Variants in CNTNAP5 observed in about 807,000 individuals in gnomAD.
The protein encoded by CNTNAP5 is contactin associated protein family member 5, also known as contactin-associated protein-like 5.
In CNTNAP5, 72 loss-of-function variants were observed where a neutral mutation model predicts 150.2. That is an observed-to-expected ratio of 0.48 (90% CI 0.40 to 0.58). CNTNAP5 has a LOEUF of 0.58. Among genes scored for constraint, CNTNAP5 ranks in the 20% least tolerant of loss-of-function variants. The probability of loss-of-function intolerance (pLI) is 0.00; values close to 1 mark genes in which losing one functional copy is unlikely to be tolerated. For missense variants in CNTNAP5, 1,636 were observed against 1,626.2 expected (o/e 1.01, Z -0.10); for synonymous variants, 672 against 619.8 (o/e 1.08, Z -1.25).
chr2:124,780,275 AT>A (rs1191211807), intron 17 of CNTNAP5, among the ~76,000 whole-genome samples: 1 of 152,134 alleles, frequency 6.6e-6, no homozygotes, highest in Non-Finnish European at 1.5e-5. Flanking sequence ...ATGGGAAATG[AT>A]TTGTGCCTTC....
intron 10 of CNTNAP5, among the ~76,000 whole-genome samples, chr2:124,539,701 A>G (rs1695333221): frequency 6.6e-6 from 1 of 152,230 alleles, no homozygotes. Flanking sequence ...CTTAAAGTTA[A>G]AAGCGAGAGA....
chr2:124,035,477 T>A (rs931704084), intron 1 of CNTNAP5, among the ~76,000 whole-genome samples: 5 of 152,148 alleles, frequency 3.3e-5, no homozygotes, highest in African/African-American at 1.2e-4. Context: ...TAACTTTTAC[T>A]AAATGTCTTG....
intron 7 of CNTNAP5, among the ~76,000 whole-genome samples, chr2:124,478,779 T>C (rs890066433): frequency 2.0e-5 from 3 of 152,162 alleles, no homozygotes; most frequent in African/African-American, 7.2e-5. Context: ...CAGACTCTCT[T>C]ACAGTTATTA....
At chr2:124,269,946 A>G (rs1349483119) in intron 3 of CNTNAP5, among the ~76,000 whole-genome samples, 1 of 152,204 alleles carries the variant, frequency 6.6e-6, no homozygotes, top group African/African-American at 2.4e-5. Context: ...GCGGATGTTA[A>G]TGAGGACAAA....
intron 1 of CNTNAP5, among the ~76,000 whole-genome samples, chr2:124,062,334 C>A (rs1682031981): frequency 2.0e-5 from 3 of 152,160 alleles, no homozygotes. Flanking sequence ...GTACCATTTT[C>A]TTTGGCTCAG....
chr2:124,593,308 C>T (rs1696745201), intron 11 of CNTNAP5, among the ~76,000 whole-genome samples: 1 of 127,410 alleles, frequency 7.8e-6, no homozygotes, highest in Admixed American at 8.4e-5. Context: ...ACCACAGTCC[C>T]CAGAGTGTGA....
At chr2:124,307,373 A>G (rs1163361944) in intron 3 of CNTNAP5, among the ~76,000 whole-genome samples, 4 of 152,102 alleles carry the variant, frequency 2.6e-5, no homozygotes, top group African/African-American at 9.7e-5. Context: ...TCCAAGTACC[A>G]TTACACTGGG....
intron 3 of CNTNAP5, among the ~76,000 whole-genome samples, chr2:124,405,262 A>T (rs1325406269): frequency 6.6e-6 from 1 of 152,144 alleles, no homozygotes; most frequent in Non-Finnish European, 1.5e-5. Flanking sequence ...GATTAAATAC[A>T]TGTGGAGGGG....
At chr2:124,098,853 G>A (rs904287461) in intron 1 of CNTNAP5, among the ~76,000 whole-genome samples, 2 of 152,178 alleles carry the variant, frequency 1.3e-5, no homozygotes, top group Non-Finnish European at 2.9e-5. Context: ...CTCCACTGCA[G>A]TGATATCACC....
intron 13 of CNTNAP5, among the ~76,000 whole-genome samples, chr2:124,680,054 A>T (rs1367422980): frequency 6.6e-6 from 1 of 151,806 alleles, no homozygotes; most frequent in African/African-American, 2.4e-5. Context: ...TTGAAGGAAT[A>T]GAAATTATAA....
chr2:124,058,389 A>T (rs1681913249), intron 1 of CNTNAP5, among the ~76,000 whole-genome samples: 1 of 152,122 alleles, frequency 6.6e-6, no homozygotes, highest in Non-Finnish European at 1.5e-5. Flanking sequence ...CTAGTATCAA[A>T]GTCCTTCCAC....
chr2:124,335,353 C>T (rs1263327075), intron 3 of CNTNAP5, among the ~76,000 whole-genome samples: 1 of 151,806 alleles, frequency 6.6e-6, no homozygotes, highest in African/African-American at 2.4e-5. Flanking sequence ...CTTGGGTTTC[C>T]AGTCTTCTCA....
chr2:124,440,317 GA>G (rs1558903184), intron 5 of CNTNAP5, among the ~76,000 whole-genome samples: 1 of 152,120 alleles, frequency 6.6e-6, no homozygotes, highest in Non-Finnish European at 1.5e-5. Flanking sequence ...ATTTTATCAA[GA>G]GTAAATCAAA....
chr2:124,324,508 G>A (rs1390079288), intron 3 of CNTNAP5, among the ~76,000 whole-genome samples: 1 of 152,210 alleles, frequency 6.6e-6, no homozygotes, highest in Non-Finnish European at 1.5e-5. Context: ...AGAATGCCTG[G>A]AGTGCTTGAG....
At position 124,914,052 on chromosome 2, in the gene CNTNAP5, T is replaced by G. The variant is rs201376583; in HGVS notation, c.3728-40T>G. ...TCCACTCTCCTGAGCAGATGACTCA[T>G]GACGATTTCCTTCTCTCTTTCCTTC... On this transcript the variant is annotated intron_variant, in intron 23 of 23. Transcript: ENST00000682447. 6 of 1,499,474 alleles carry G rather than the reference T, an allele frequency of 4.0e-6. No homozygotes were observed. The Admixed American group carries it at 6.9e-5, about 17-fold the overall frequency. The allele number at this position is 1,499,474 out of a possible 1,614,324, so 92.9% of individuals were successfully genotyped here. A position where few individuals can be genotyped will look rare whatever the true frequency, so the allele number is the denominator to read the frequency against.
At chr2:124,742,008 C>T (rs1384672650) in intron 13 of CNTNAP5, among the ~76,000 whole-genome samples, 1 of 152,018 alleles carries the variant, frequency 6.6e-6, no homozygotes, top group African/African-American at 2.4e-5. Context: ...AAAATAGAAA[C>T]CTGCAGCTGG....
intron 3 of CNTNAP5, among the ~76,000 whole-genome samples, chr2:124,295,581 G>A (rs1256612580): frequency 6.6e-6 from 1 of 152,222 alleles, no homozygotes; most frequent in African/African-American, 2.4e-5. Flanking sequence ...TTGTTTCTGT[G>A]TGATACAAAT....
At chr2:124,403,608 AT>A (rs1216132099) in intron 3 of CNTNAP5, among the ~76,000 whole-genome samples, 1 of 152,214 alleles carries the variant, frequency 6.6e-6, no homozygotes, top group Non-Finnish European at 1.5e-5. Context: ...CCTTTAAGAA[AT>A]ACTGTGCTCC....
At chr2:124,357,474 G>A (rs868079865) in intron 3 of CNTNAP5, among the ~76,000 whole-genome samples, 10 of 151,872 alleles carry the variant, frequency 6.6e-5, no homozygotes, top group Middle Eastern at 3.2e-3. Flanking sequence ...ATCTTGAATT[G>A]ATTTTTGTAT....
Sources: gnomAD v4.1 joint callset for allele counts (sites outside exome capture counted in the v4.1 genomes callset) on GRCh38, gnomAD v4.1.1 for gene constraint, MANE v1.5 for transcripts, NCBI Gene and HGNC (gene_info 2026-07-23, HGNC 2026-07-21) for gene names.